GAB2: variants seen among roughly 807,000 people sequenced by gnomAD.
GAB2 encodes the protein GRB2-associated-binding protein 2.
Under a neutral mutation model 65.5 loss-of-function variants are expected in GAB2, and 26 were observed. That is an observed-to-expected ratio of 0.40 (90% CI 0.29 to 0.55). GAB2 has a LOEUF of 0.55. GAB2 is among the 20% of genes least tolerant of loss of function. The probability of loss-of-function intolerance (pLI) is 0.53; values close to 1 mark genes in which losing one functional copy is unlikely to be tolerated. For synonymous variants in GAB2, 321 were observed against 329.6 expected, an observed-to-expected ratio of 0.97 and a Z score of 0.28; for missense variants, 884 against 875.8, an observed-to-expected ratio of 1.01 and a Z score of -0.12.
Position 78,276,610 on chromosome 11 carries a change from C to G in GAB2, c.376+3991G>C, listed in dbSNP as rs1161861873. 2.0e-5 allele frequency among the ~76,000 whole-genome samples: 3 copies of G among 152,020 alleles called. No individual in the cohort carries two copies. The East Asian group carries it at 5.8e-4, about 29-fold the overall frequency. On this transcript the variant is annotated intron_variant, in intron 2 of 9. Transcript: ENST00000361507. The stretch of plus-strand genomic sequence containing the variant: ...CAGACTCTACTGTTCATCTTTGTAG[C>G]CTCATTGGTTATGACAGGAACTTGC...
At chr11:78,234,088 CTTTT>C (rs939042880) in intron 3 of GAB2, among the ~76,000 whole-genome samples, 12 of 152,034 alleles carry the variant, frequency 7.9e-5, no homozygotes, top group African/African-American at 2.7e-4. Context: ...CTTTTCTTTT[CTTTT>C]TATTTAAATA....
At chr11:78,309,293 G>A (rs1373319347) in intron 1 of GAB2, among the ~76,000 whole-genome samples, 3 of 152,102 alleles carry the variant, frequency 2.0e-5, no homozygotes, top group Non-Finnish European at 2.9e-5. Flanking sequence ...GTAGCTTTTA[G>A]TATACTTGCA....
intron 1 of GAB2, among the ~76,000 whole-genome samples, chr11:78,305,641 T>C (rs1339715472): frequency 6.6e-6 from 1 of 152,248 alleles, no homozygotes; most frequent in East Asian, 1.9e-4. Flanking sequence ...GAAAAATCCC[T>C]GGTCTTTTTA....
intron 1 of GAB2, among the ~76,000 whole-genome samples, chr11:78,381,425 C>G (rs1298118364): frequency 6.6e-6 from 1 of 152,196 alleles, no homozygotes; most frequent in Non-Finnish European, 1.5e-5. Context: ...AAGTAGTGAA[C>G]TAGCCAAGGG....
intron 1 of GAB2, among the ~76,000 whole-genome samples, chr11:78,398,798 A>T (rs1349216757): frequency 6.6e-6 from 1 of 152,194 alleles, no homozygotes; most frequent in Non-Finnish European, 1.5e-5. Context: ...TGGCTAGCTA[A>T]TTCCAGGTCT....
chr11:78,379,094 A>G (rs1331182198), intron 1 of GAB2, among the ~76,000 whole-genome samples: 1 of 152,222 alleles, frequency 6.6e-6, no homozygotes, highest in Non-Finnish European at 1.5e-5. Context: ...GAAAATTGGA[A>G]TCAAGTTATT....
At chr11:78,408,174 T>C (rs1857079418) in intron 1 of GAB2, among the ~76,000 whole-genome samples, 1 of 152,198 alleles carries the variant, frequency 6.6e-6, no homozygotes, top group Non-Finnish European at 1.5e-5. Flanking sequence ...TTAGGTTTAA[T>C]GACTGAAGCA....
chr11:78,360,977 A>G (rs1487619477), intron 1 of GAB2, among the ~76,000 whole-genome samples: 1 of 152,216 alleles, frequency 6.6e-6, no homozygotes, highest in Non-Finnish European at 1.5e-5. Flanking sequence ...TATTACAACC[A>G]TATGGTAAAA....
intron 1 of GAB2, among the ~76,000 whole-genome samples, chr11:78,306,980 T>A (rs1855375659): frequency 6.6e-6 from 1 of 152,212 alleles, no homozygotes; most frequent in Admixed American, 6.5e-5. Context: ...AACATGTATC[T>A]CTCACCAGGC....
At position 78,215,868 on chromosome 11, in the gene GAB2, A is replaced by G. The variant is rs1864111833; in HGVS notation, c.*3404T>C. The G allele has an allele frequency of 6.5e-6, 1 of 152,720 alleles. No homozygotes were observed. Among genetic ancestry groups the G allele is most frequent in the Non-Finnish European group, 1.5e-5 (1 of 68,096 alleles). The allele number at this position is 152,720 out of a possible 1,614,324, so 9.5% of individuals were successfully genotyped here. A position where few individuals can be genotyped will look rare whatever the true frequency, so the allele number is the denominator to read the frequency against. ...GAAGGAAGAACTCTGGAAATGGGAT[A>G]GGGGTGCTGGGCCGAGATGTCCCCA... On this transcript the variant is annotated 3_prime_UTR_variant, in exon 10 of 10. Coordinates refer to ENST00000361507, the MANE Select transcript of GAB2 (RefSeq NM_080491.3).
At chr11:78,277,347 G>T (rs1335810244) in intron 2 of GAB2, among the ~76,000 whole-genome samples, 1 of 152,132 alleles carries the variant, frequency 6.6e-6, no homozygotes, top group African/African-American at 2.4e-5. Context: ...CATGAGCAGG[G>T]CAGGAGCCTC....
chr11:78,359,702 T>C (rs73500968), intron 1 of GAB2, among the ~76,000 whole-genome samples: 9,419 of 152,132 alleles, frequency 0.062, 883 homozygotes, highest in African/African-American at 0.21. Flanking sequence ...TTTAAGTGGG[T>C]ATAAATAAAT....
At chr11:78,387,400 G>A (rs1041773990) in intron 1 of GAB2, among the ~76,000 whole-genome samples, 1 of 152,072 alleles carries the variant, frequency 6.6e-6, no homozygotes, top group Non-Finnish European at 1.5e-5. Context: ...GCTCTTCACT[G>A]CTAACAAGCT....
At position 78,219,213 on chromosome 11, in the gene GAB2, G is replaced by T. The variant is rs1864294781; in HGVS notation, c.*59C>A. 1 of 1,521,228 alleles carries T rather than the reference G, an allele frequency of 6.6e-7. No homozygotes were observed. Among genetic ancestry groups the T allele is most frequent in the Non-Finnish European group, 9.1e-7 (1 of 1,104,270 alleles). The allele number at this position is 1,521,228 out of a possible 1,614,324, so 94.2% of individuals were successfully genotyped here. A position where few individuals can be genotyped will look rare whatever the true frequency, so the allele number is the denominator to read the frequency against. The stretch of plus-strand genomic sequence containing the variant: ...AGGAAGAACGGGAGAGGGGAGAGGG[G>T]AGATGGGAAGGGCCAGCTCTGGAGA... On this transcript the variant is annotated 3_prime_UTR_variant, in exon 10 of 10. Coordinates refer to ENST00000361507, the MANE Select transcript of GAB2 (RefSeq NM_080491.3).
chr11:78,417,562 T>A, intron 1 of GAB2, 84 bp downstream of exon 1: 4 of 512,680 alleles, frequency 7.8e-6, no homozygotes, highest in Non-Finnish European at 1.0e-5. Context: ...CTCCCCAGCC[T>A]GCCGCCCCTC....
intron 1 of GAB2, among the ~76,000 whole-genome samples, chr11:78,378,294 G>A (rs752570269): frequency 2.0e-5 from 3 of 152,112 alleles, no homozygotes; most frequent in African/African-American, 7.2e-5. Context: ...TACAATGAGC[G>A]CCCTTGGGCC....
chr11:78,417,236 G>C (rs934597313), intron 1 of GAB2, among the ~76,000 whole-genome samples: 1 of 152,042 alleles, frequency 6.6e-6, no homozygotes, highest in Non-Finnish European at 1.5e-5. Context: ...CGGCCCCACA[G>C]CCTACGCCCC....
At chr11:78,278,935 C>T (rs1866252220) in intron 2 of GAB2, among the ~76,000 whole-genome samples, 1 of 152,090 alleles carries the variant, frequency 6.6e-6, no homozygotes, top group Non-Finnish European at 1.5e-5. Context: ...ATGATTGTGT[C>T]ACTGCACTCT....
At chr11:78,372,077 G>C (rs1251958422) in intron 1 of GAB2, among the ~76,000 whole-genome samples, 1 of 152,198 alleles carries the variant, frequency 6.6e-6, no homozygotes, top group African/African-American at 2.4e-5. Flanking sequence ...GGTAGGGGGA[G>C]CAGAAGAGAG....
Sources: gnomAD v4.1 joint callset for allele counts (sites outside exome capture counted in the v4.1 genomes callset) on GRCh38, gnomAD v4.1.1 for gene constraint, MANE v1.5 for transcripts, NCBI Gene and HGNC (gene_info 2026-07-23, HGNC 2026-07-21) for gene names.